Variants in VAV3 observed in about 807,000 individuals in gnomAD.
VAV3 encodes vav guanine nucleotide exchange factor 3, also known as guanine nucleotide exchange factor VAV3.
A neutral mutation model predicts 131.2 loss-of-function variants in VAV3; 94 were observed. The observed-to-expected ratio is 0.72, with a 90% CI of 0.61 to 0.85. VAV3 has a LOEUF of 0.85. Among genes scored for constraint, VAV3 ranks in the 40% least tolerant of loss-of-function variants. The probability of loss-of-function intolerance (pLI) is 0.00; values close to 1 mark genes in which losing one functional copy is unlikely to be tolerated. For missense variants in VAV3, 939 were observed against 1,002.7 expected, an observed-to-expected ratio of 0.94 and a Z score of 0.86; for synonymous variants, 349 against 342.0, an observed-to-expected ratio of 1.02 and a Z score of -0.22.
At chr1:107,942,913 T>C (rs1459969872) in intron 1 of VAV3, among the ~76,000 whole-genome samples, 4 of 152,204 alleles carry the variant, frequency 2.6e-5, no homozygotes, top group African/African-American at 9.6e-5. Context: ...CATGACCTAA[T>C]GGCCAGAACT....
intron 1 of VAV3, among the ~76,000 whole-genome samples, chr1:107,891,027 T>A (rs1671285712): frequency 2.0e-5 from 3 of 152,206 alleles, no homozygotes; most frequent in Non-Finnish European, 2.9e-5. Flanking sequence ...TAGCCACTTG[T>A]ATATATAGCT....
intron 20 of VAV3, among the ~76,000 whole-genome samples, chr1:107,624,362 A>T (rs1049091947): frequency 7.2e-6 from 1 of 138,930 alleles, no homozygotes; most frequent in African/African-American, 2.7e-5. Context: ...ATCCTAAATT[A>T]TAGTCTTATG....
intron 2 of VAV3, among the ~76,000 whole-genome samples, chr1:107,853,585 A>AT (rs376156399): frequency 2.0e-4 from 31 of 152,252 alleles, no homozygotes; most frequent in African/African-American, 7.5e-4. Context: ...AACCAAAAAA[A>AT]AAAAATTCAT....
chr1:107,595,603 C>T (rs972320241), intron 25 of VAV3, among the ~76,000 whole-genome samples: 4 of 152,052 alleles, frequency 2.6e-5, no homozygotes, highest in Admixed American at 6.6e-5. Context: ...TAACATTAAA[C>T]GATGAGAGAA....
chr1:107,715,871 AC>A (rs1661061562), intron 15 of VAV3, among the ~76,000 whole-genome samples: 1 of 152,206 alleles, frequency 6.6e-6, no homozygotes, highest in South Asian at 2.1e-4. Flanking sequence ...CTGAGCTGGC[AC>A]AGTGAATTTA....
chr1:107,589,813 G>A (rs2101044439), intron 25 of VAV3, among the ~76,000 whole-genome samples: 1 of 152,270 alleles, frequency 6.6e-6, no homozygotes. Flanking sequence ...TGGATGGTTA[G>A]GAACCTGTAC....
intron 2 of VAV3, among the ~76,000 whole-genome samples, chr1:107,807,575 A>G (rs541296041): frequency 3.3e-4 from 50 of 152,318 alleles, no homozygotes; most frequent in Non-Finnish European, 5.9e-4. Context: ...CAATGTGCAC[A>G]TAGCAAATCC....
At chr1:107,706,526 G>A (rs907102999) in intron 15 of VAV3, among the ~76,000 whole-genome samples, 2 of 152,146 alleles carry the variant, frequency 1.3e-5, no homozygotes, top group African/African-American at 4.8e-5. Context: ...GAGAATTATG[G>A]ACATTTCCAT....
intron 19 of VAV3, among the ~76,000 whole-genome samples, chr1:107,667,628 A>G (rs1657506994): frequency 6.6e-6 from 1 of 152,152 alleles, no homozygotes; most frequent in Non-Finnish European, 1.5e-5. Context: ...ATCACAACAC[A>G]GAAAAACAAT....
rs554442537 is a variant in VAV3, at chr1:107,902,062, A to T, written c.205-27045T>A. Among the ~76,000 whole-genome samples, 51 of 152,200 alleles carry T rather than the reference A, an allele frequency of 3.4e-4. 1 individual carries two copies. Among genetic ancestry groups the T allele is most frequent in the African/African-American group, 1.2e-3 (50 of 41,560 alleles). On this transcript the variant is annotated intron_variant, in intron 1 of 26. Transcript: ENST00000370056. ...CCATCTCAAAAAAAAAAACAAAAAA[A>T]ACAACAACAAAAACTGTTATTGTTT...
chr1:107,573,898 A>C, intron 26 of VAV3, 149 bp downstream of exon 26: 1 of 1,035,976 alleles, frequency 9.7e-7, no homozygotes, highest in African/African-American at 1.6e-5. Flanking sequence ...GTATCAGCAA[A>C]ACACAGCACC....
At chr1:107,874,732 T>G in intron 2 of VAV3, among the ~76,000 whole-genome samples, 169 bp downstream of exon 2, 1 of 151,560 alleles carries the variant, frequency 6.6e-6, no homozygotes, top group Non-Finnish European at 1.5e-5. Context: ...GTTTCTTTTT[T>G]GTTGTTGTTT....
intron 19 of VAV3, among the ~76,000 whole-genome samples, chr1:107,651,395 C>G (rs927184623): frequency 6.6e-6 from 1 of 152,090 alleles, no homozygotes; most frequent in Non-Finnish European, 1.5e-5. Flanking sequence ...AGTGTAGGTA[C>G]CAGACTATAG....
intron 17 of VAV3, 95 bp downstream of exon 17, chr1:107,704,455 A>G (rs1570786750): frequency 1.1e-6 from 1 of 877,202 alleles, no homozygotes. Flanking sequence ...ATATGTTACA[A>G]TAAACACATA....
At chr1:107,631,200 A>C (rs1654449997) in intron 20 of VAV3, among the ~76,000 whole-genome samples, 1 of 152,044 alleles carries the variant, frequency 6.6e-6, no homozygotes, top group Non-Finnish European at 1.5e-5. Context: ...CAGATATATA[A>C]AATTTATATT....
intron 1 of VAV3, among the ~76,000 whole-genome samples, chr1:107,954,531 C>T (rs1017335891): frequency 2.8e-5 from 3 of 109,000 alleles, no homozygotes; most frequent in Non-Finnish European, 1.8e-5. Flanking sequence ...TATCCTGAGG[C>T]AAATTTTTTT....
intron 15 of VAV3, among the ~76,000 whole-genome samples, chr1:107,721,747 A>G (rs1313613947): frequency 1.3e-5 from 2 of 152,066 alleles, no homozygotes. Context: ...AAAAAACGTG[A>G]TGATGCTTTA....
intron 2 of VAV3, among the ~76,000 whole-genome samples, chr1:107,786,505 C>T (rs1270880101): frequency 6.6e-6 from 1 of 152,200 alleles, no homozygotes; most frequent in African/African-American, 2.4e-5. Flanking sequence ...AACAAGTTTA[C>T]TTTCAGCGTT....
intron 21 of VAV3, among the ~76,000 whole-genome samples, chr1:107,611,555 A>G (rs1652726604): frequency 6.6e-6 from 1 of 151,176 alleles, no homozygotes; most frequent in Admixed American, 6.6e-5. Context: ...TAAAAGTATA[A>G]TGTATATATT....
Sources: gnomAD v4.1 joint callset for allele counts (sites outside exome capture counted in the v4.1 genomes callset) on GRCh38, gnomAD v4.1.1 for gene constraint, MANE v1.5 for transcripts, NCBI Gene and HGNC (gene_info 2026-07-23, HGNC 2026-07-21) for gene names.